LRRC8B: variants seen among roughly 807,000 people sequenced by gnomAD.
The protein encoded by LRRC8B is leucine rich repeat containing 8 VRAC subunit B.
In LRRC8B, 23 loss-of-function variants were observed where a neutral mutation model predicts 58.8. The ratio of observed to expected loss-of-function variants is 0.39; its 90% CI spans 0.28 to 0.55. The LOEUF (loss-of-function observed/expected upper bound fraction) is 0.55. LRRC8B is among the 20% of genes least tolerant of loss of function. The pLI, the probability that LRRC8B is intolerant of heterozygous loss-of-function variation, is 0.62. For missense variants in LRRC8B, 694 were observed against 936.0 expected (o/e 0.74, Z 3.37); for synonymous variants, 359 against 374.1 (o/e 0.96, Z 0.47).
At chr1:89,525,438 G>A (rs11583526) in intron 1 of LRRC8B, among the ~76,000 whole-genome samples, 28,159 of 152,246 alleles carry the variant, frequency 0.18, 3,395 homozygotes, top group South Asian at 0.3. Context: ...CAACTCCCCT[G>A]AGGGTGCCCC....
intron 3 of LRRC8B, among the ~76,000 whole-genome samples, chr1:89,571,335 CT>C (rs758684162): frequency 2.6e-5 from 4 of 152,122 alleles, no homozygotes; most frequent in Non-Finnish European, 5.9e-5. Flanking sequence ...GATACAGATT[CT>C]TCTTATCCAT....
chr1:89,566,994 C>G (rs1653089209), intron 1 of LRRC8B, among the ~76,000 whole-genome samples: 1 of 152,180 alleles, frequency 6.6e-6, no homozygotes, highest in African/African-American at 2.4e-5. Flanking sequence ...ATACACCCGT[C>G]TTGTGTCCTT....
At chr1:89,575,616 G>A (rs1408563548) in intron 3 of LRRC8B, among the ~76,000 whole-genome samples, 1 of 152,188 alleles carries the variant, frequency 6.6e-6, no homozygotes, top group Non-Finnish European at 1.5e-5. Flanking sequence ...TTGTTGCTGA[G>A]TTCTTGCCTC....
chr1:89,562,226 C>G (rs892180485), intron 1 of LRRC8B, among the ~76,000 whole-genome samples: 1 of 151,728 alleles, frequency 6.6e-6, no homozygotes, highest in South Asian at 2.1e-4. Context: ...CTTATCTTTT[C>G]CTTTTCTTCC....
At chr1:89,548,127 C>T (rs1001805042) in intron 1 of LRRC8B, among the ~76,000 whole-genome samples, 3 of 152,134 alleles carry the variant, frequency 2.0e-5, no homozygotes, top group Admixed American at 6.5e-5. Context: ...TAAAAGTTCT[C>T]GCTTAGATTA....
intron 3 of LRRC8B, among the ~76,000 whole-genome samples, chr1:89,571,197 C>CT (rs1038701185): frequency 1.2e-4 from 19 of 152,090 alleles, no homozygotes; most frequent in African/African-American, 4.3e-4. Flanking sequence ...TGTGCAGGTT[C>CT]TTTTTTTGGT....
chr1:89,596,020 A>G lies in LRRC8B; in HGVS notation c.*2977A>G, dbSNP rs1177591882. The G allele has an allele frequency of 1.3e-5, 2 of 152,092 alleles. No individual in the cohort carries two copies. The highest frequency in any genetic ancestry group is 2.4e-5 in the African/African-American group (1 of 41,440). 9.4% of individuals were successfully genotyped at this position (152,092 alleles called of 1,614,324 possible). A position where few individuals can be genotyped will look rare whatever the true frequency, so the allele number is the denominator to read the frequency against. ...ACACACAGACACACATACTTCATAT[A>G]TGCAAATTATAGCATTAGTTTTTGA... is the stretch of plus-strand genomic sequence containing the variant. On this transcript the variant is annotated 3_prime_UTR_variant, in exon 6 of 6. Coordinates refer to ENST00000330947, the MANE Select transcript of LRRC8B (RefSeq NM_001369817.2).
At chr1:89,577,861 A>G (rs937616105) in intron 3 of LRRC8B, among the ~76,000 whole-genome samples, 13 of 152,200 alleles carry the variant, frequency 8.5e-5, no homozygotes, top group African/African-American at 3.1e-4. Flanking sequence ...TAATGCAGAT[A>G]TTGGATGAGT....
chr1:89,571,135 T>C (rs12410381), intron 3 of LRRC8B, among the ~76,000 whole-genome samples: 56,770 of 151,762 alleles, frequency 0.37, 12,771 homozygotes, highest in South Asian at 0.55. Context: ...AGTTTGAAGT[T>C]TAGCAATGTG....
At chr1:89,527,772 T>C (rs1211827360) in intron 1 of LRRC8B, among the ~76,000 whole-genome samples, 2 of 152,254 alleles carry the variant, frequency 1.3e-5, no homozygotes, top group Non-Finnish European at 2.9e-5. Context: ...AGGTTGATCT[T>C]AAGTAAAATT....
intron 1 of LRRC8B, among the ~76,000 whole-genome samples, chr1:89,531,737 C>A (rs539966252): frequency 6.6e-6 from 1 of 152,246 alleles, no homozygotes; most frequent in Admixed American, 6.5e-5. Flanking sequence ...GACAGCTTTA[C>A]TGGCCTACTT....
chr1:89,558,444 G>A (rs1652354568), intron 1 of LRRC8B, among the ~76,000 whole-genome samples: 4 of 152,116 alleles, frequency 2.6e-5, no homozygotes, highest in Admixed American at 2.6e-4. Flanking sequence ...TTTAGAAAGA[G>A]CTCTCTGACT....
intron 1 of LRRC8B, among the ~76,000 whole-genome samples, chr1:89,534,883 CTT>C (rs1370810787): frequency 6.6e-6 from 1 of 151,374 alleles, no homozygotes; most frequent in Non-Finnish European, 1.5e-5. Context: ...GAAATAGAAA[CTT>C]TACTCTGACT....
At chr1:89,578,281 T>A (rs968454542) in intron 3 of LRRC8B, among the ~76,000 whole-genome samples, 1 of 152,218 alleles carries the variant, frequency 6.6e-6, no homozygotes, top group Non-Finnish European at 1.5e-5. Flanking sequence ...ATGCAATAAA[T>A]TCTTTTCTGG....
intron 5 of LRRC8B, among the ~76,000 whole-genome samples, chr1:89,592,214 G>A (rs1166953714): frequency 6.6e-6 from 1 of 152,178 alleles, no homozygotes; most frequent in Non-Finnish European, 1.5e-5. Context: ...TCAGGTGTAT[G>A]TGTATGTAGA....
At chr1:89,574,087 G>A (rs904135317) in intron 3 of LRRC8B, among the ~76,000 whole-genome samples, 1 of 152,212 alleles carries the variant, frequency 6.6e-6, no homozygotes, top group Non-Finnish European at 1.5e-5. Context: ...GCCATATAGA[G>A]GACTGGCAAG....
intron 5 of LRRC8B, 139 bp downstream of exon 5, chr1:89,584,928 C>G (rs1654520383): frequency 1.7e-6 from 1 of 596,570 alleles, no homozygotes; most frequent in Non-Finnish European, 2.9e-6. Context: ...TACCAAAACA[C>G]TGAGCATCCA....
chr1:89,565,049 C>A (rs1331767676), intron 1 of LRRC8B, among the ~76,000 whole-genome samples: 1 of 152,092 alleles, frequency 6.6e-6, no homozygotes, highest in Non-Finnish European at 1.5e-5. Flanking sequence ...TAAGGACGTG[C>A]AATATTGTCA....
chr1:89,593,839 G>A lies in LRRC8B; in HGVS notation c.*796G>A, dbSNP rs1045510081. ...TATGTTCCTAAATTTTTTTAGATAG[G>A]GTATGTTGTGCTTGGCAGAATTCTT... On this transcript the variant is annotated 3_prime_UTR_variant, in exon 6 of 6. Transcript: ENST00000330947. The A allele has an allele frequency of 6.6e-6, 1 of 151,998 alleles. No homozygotes were observed. Among genetic ancestry groups the A allele is most frequent in the Non-Finnish European group, 1.5e-5 (1 of 68,004 alleles). 9.4% of individuals were successfully genotyped at this position (151,998 alleles called of 1,614,324 possible). A position where few individuals can be genotyped will look rare whatever the true frequency, so the allele number is the denominator to read the frequency against.
Sources: gnomAD v4.1 joint callset for allele counts (sites outside exome capture counted in the v4.1 genomes callset) on GRCh38, gnomAD v4.1.1 for gene constraint, MANE v1.5 for transcripts, NCBI Gene and HGNC (gene_info 2026-07-23, HGNC 2026-07-21) for gene names.